The following SLC30A7 variants were observed in gnomAD, a reference collection of about 807,000 sequenced individuals.
SLC30A7 encodes the protein zinc transporter 7.
A neutral mutation model predicts 46.0 loss-of-function variants in SLC30A7; 35 were observed. The observed-to-expected ratio is 0.76, with a 90% CI of 0.58 to 1.01. The LOEUF (loss-of-function observed/expected upper bound fraction) is 1.01. Among genes scored for constraint, SLC30A7 ranks in the 50% least tolerant of loss-of-function variants. SLC30A7 has a pLI of 0.00. For synonymous variants in SLC30A7, 147 were observed against 157.8 expected (o/e 0.93, Z 0.51); for missense variants, 464 against 451.1 (o/e 1.03, Z -0.26).
downstream of SLC30A7, among the ~76,000 whole-genome samples, chr1:100,985,694 A>C (rs1213497317): frequency 6.6e-6 from 1 of 150,954 alleles, no homozygotes; most frequent in Non-Finnish European, 1.5e-5. Context: ...GTTGTAACTA[A>C]ACATTTACAT....
chr1:100,896,722 A>T, intron 2 of SLC30A7, 51 bp downstream of exon 2: 1 of 1,509,480 alleles, frequency 6.6e-7, no homozygotes, highest in Non-Finnish European at 9.2e-7. Flanking sequence ...GAGGGAGACG[A>T]AGCACTGTTT....
chr1:100,913,875 G>C, intron 6 of SLC30A7, 69 bp downstream of exon 6: 2 of 1,550,304 alleles, frequency 1.3e-6, no homozygotes, highest in East Asian at 4.6e-5. Flanking sequence ...ACTTTTCCTA[G>C]TTGAAATAGT....
Position 100,896,208 on chromosome 1 carries a change from C to T in SLC30A7, c.-55C>T, listed in dbSNP as rs112817533. On this transcript the variant is annotated 5_prime_UTR_variant, in exon 1 of 11. Transcript: ENST00000357650. The stretch of plus-strand genomic sequence containing the variant: ...GCGTCACTACTGTCACTGCCATCAC[C>T]CCACGGAGCCACTTCTAGAGGGGAG... 4,837 of 1,533,934 alleles carry T rather than the reference C, an allele frequency of 3.2e-3. 13 individuals are homozygous for T. The highest frequency in any genetic ancestry group is 4.0e-3 in the Non-Finnish European group (4,447 of 1,107,492).
intron 8 of SLC30A7, among the ~76,000 whole-genome samples, chr1:100,945,388 T>A (rs1268822792): frequency 6.6e-6 from 1 of 152,218 alleles, no homozygotes; most frequent in African/African-American, 2.4e-5. Flanking sequence ...TGGTATTGCC[T>A]AGGTTTTCTT....
At chr1:100,929,678 C>CAGA (rs1386085067) in intron 8 of SLC30A7, among the ~76,000 whole-genome samples, 1 of 151,862 alleles carries the variant, frequency 6.6e-6, no homozygotes, top group Non-Finnish European at 1.5e-5. Context: ...GTTCCATTTT[C>CAGA]ACTTCCACAG....
At chr1:100,951,334 T>G (rs910765863) in intron 8 of SLC30A7, among the ~76,000 whole-genome samples, 5 of 152,062 alleles carry the variant, frequency 3.3e-5, no homozygotes, top group African/African-American at 1.2e-4. Flanking sequence ...GGAATCAGGT[T>G]AAAGGAATCA....
intron 8 of SLC30A7, among the ~76,000 whole-genome samples, chr1:100,924,972 A>G (rs1056282484): frequency 1.3e-5 from 2 of 152,250 alleles, no homozygotes; most frequent in Admixed American, 6.5e-5. Context: ...TCTTGATCCT[A>G]TAATAGGAGA....
intron 4 of SLC30A7, 112 bp from the exon 5 acceptor site, chr1:100,912,000 G>T: frequency 3.3e-6 from 3 of 903,366 alleles, no homozygotes; most frequent in Middle Eastern, 2.6e-4. Context: ...ATTTTTTTTA[G>T]TGTTTTTAAT....
At chr1:100,992,174 C>T in the SLC30A7 span, among the ~76,000 whole-genome samples, 412 of 151,744 alleles carry the variant, frequency 2.7e-3, 6 homozygotes, top group African/African-American at 9.7e-3. Flanking sequence ...ACTGTGTCTA[C>T]ATATTAGGAA....
intron 2 of SLC30A7, among the ~76,000 whole-genome samples, chr1:100,900,515 A>C (rs1307581782): frequency 6.6e-6 from 1 of 152,174 alleles, no homozygotes; most frequent in Non-Finnish European, 1.5e-5. Context: ...TTTCCTTCTC[A>C]AAAGGCAGCA....
intron 8 of SLC30A7, among the ~76,000 whole-genome samples, chr1:100,951,609 G>A (rs971820023): frequency 2.6e-5 from 4 of 152,132 alleles, no homozygotes; most frequent in Non-Finnish European, 5.9e-5. Context: ...TGCCAGGCTC[G>A]TGGTAACTGC....
At chr1:100,965,972 T>C in intron 10 of SLC30A7, 54 bp downstream of exon 10, 1 of 1,486,050 alleles carries the variant, frequency 6.7e-7, no homozygotes, top group East Asian at 2.3e-5. Flanking sequence ...TTATAACTAG[T>C]AGTTTTAAAA....
chr1:100,924,003 C>T (rs1653122144), intron 8 of SLC30A7, among the ~76,000 whole-genome samples: 1 of 152,086 alleles, frequency 6.6e-6, no homozygotes, highest in Non-Finnish European at 1.5e-5. Flanking sequence ...TTAATATTCA[C>T]TTTTGTCTCC....
At chr1:100,940,879 T>C in intron 8 of SLC30A7, 1 of 307,838 alleles carries the variant, frequency 3.2e-6, no homozygotes, top group Non-Finnish European at 6.2e-6. Context: ...AAATACTGTC[T>C]AAAACATGTC....
rs1000836839 is a variant in SLC30A7, at chr1:100,981,472, A to G, written c.*6615A>G. 1 of 152,150 alleles carries G rather than the reference A, an allele frequency of 6.6e-6. No homozygotes were observed. The highest frequency in any genetic ancestry group is 6.5e-5 in the Admixed American group (1 of 15,268). The allele number at this position is 152,150 out of a possible 1,614,324, so 9.4% of individuals were successfully genotyped here. On this transcript the variant is annotated 3_prime_UTR_variant, in exon 11 of 11. Transcript: ENST00000357650. The stretch of plus-strand genomic sequence containing the variant: ...ATGGCCAAGTTAGTATTTGGGTTTG[A>G]TTCCTTTGGTGAAGATTAAGGCATC...
At chr1:100,934,600 G>A (rs1023657496) in intron 8 of SLC30A7, among the ~76,000 whole-genome samples, 3 of 151,362 alleles carry the variant, frequency 2.0e-5, no homozygotes, top group Non-Finnish European at 4.4e-5. Context: ...CTATCTCTTT[G>A]TGTAAATGGA....
intron 4 of SLC30A7, among the ~76,000 whole-genome samples, chr1:100,911,572 A>G (rs1295498604): frequency 6.6e-6 from 1 of 152,118 alleles, no homozygotes; most frequent in Non-Finnish European, 1.5e-5. Flanking sequence ...AGTTTTTGAG[A>G]CAGAGTCTCA....
intron 3 of SLC30A7, 69 bp from the exon 4 acceptor site, chr1:100,910,994 A>G (rs1359217838): frequency 1.6e-6 from 2 of 1,224,402 alleles, no homozygotes; most frequent in African/African-American, 1.5e-5. Context: ...CTCTGAATGT[A>G]TGTAATTTTA....
chr1:100,945,519 C>T (rs940904430), intron 8 of SLC30A7, among the ~76,000 whole-genome samples: 36 of 152,142 alleles, frequency 2.4e-4, no homozygotes, highest in Non-Finnish European at 3.4e-4. Context: ...AGCCAGTTTT[C>T]CCAGCACCAT....
Sources: allele counts gnomAD v4.1 joint callset (sites outside exome capture counted in the v4.1 genomes callset), GRCh38; gene constraint gnomAD v4.1.1; transcripts MANE v1.5; gene names NCBI Gene and HGNC (gene_info 2026-07-23, HGNC 2026-07-21).